The following GNAS-AS1 variants were observed in gnomAD, a reference collection of about 807,000 sequenced individuals.
The protein encoded by GNAS-AS1 is GNAS antisense RNA 1, also known as GNAS antisense RNA 1 (non-protein coding).
intron 4 of GNAS-AS1, among the ~76,000 whole-genome samples, chr20:58,830,458 CCACCACCA>C (rs2085554652): frequency 1.6e-5 from 1 of 62,860 alleles, no homozygotes; most frequent in Non-Finnish European, 3.1e-5. Context: ...ACCACCATCA[CCACCACCA>C]CACCACCATC....
intron 4 of GNAS-AS1, chr20:58,839,757 T>C (rs1403876593): frequency 3.6e-6 from 2 of 560,384 alleles, no homozygotes; most frequent in East Asian, 5.9e-5. Flanking sequence ...CAGTCTCCTC[T>C]GTCCTCTCCC....
chr20:58,838,916 CAAAAAAAA>C (rs766172876), intron 4 of GNAS-AS1: 10 of 253,150 alleles, frequency 4.0e-5, no homozygotes, highest in Admixed American at 2.8e-4. Flanking sequence ...GATTCTGTCT[CAAAAAAAA>C]AAAAAAAAAA....
intron 4 of GNAS-AS1, among the ~76,000 whole-genome samples, chr20:58,830,692 A>T (rs1293822140): frequency 7.1e-6 from 1 of 141,700 alleles, no homozygotes; most frequent in African/African-American, 2.6e-5. Flanking sequence ...TACCATCACA[A>T]CCACCACTAC....
intron 4 of GNAS-AS1, among the ~76,000 whole-genome samples, chr20:58,821,568 G>A (rs972788598): frequency 1.3e-5 from 2 of 152,198 alleles, no homozygotes; most frequent in African/African-American, 4.8e-5. Flanking sequence ...CCATAAATCA[G>A]TAAGAGGAAG....
intron 4 of GNAS-AS1, chr20:58,825,974 G>A: frequency 5.0e-6 from 2 of 398,210 alleles, no homozygotes; most frequent in Non-Finnish European, 8.9e-6. Context: ...CCCAAGAAAG[G>A]TCTCTGAGAG....
chr20:58,819,265 A>G (rs1457050549), intron 4 of GNAS-AS1: 1 of 398,560 alleles, frequency 2.5e-6, no homozygotes, highest in Non-Finnish European at 4.4e-6. Context: ...CCTTGGGAGC[A>G]GACAGGTTTG....
intron 2 of GNAS-AS1, among the ~76,000 whole-genome samples, chr20:58,842,766 A>G (rs995676988): frequency 6.6e-6 from 1 of 152,202 alleles, no homozygotes; most frequent in Non-Finnish European, 1.5e-5. Context: ...GAGTTCACCA[A>G]GCAAAATGTC....
intron 4 of GNAS-AS1, chr20:58,839,058 CCATGCTCT>C (rs758413417): frequency 2.5e-5 from 10 of 398,494 alleles, no homozygotes; most frequent in Non-Finnish European, 3.5e-5. Context: ...TTCCCTTTAC[CCATGCTCT>C]CAGCTCCAGT....
chr20:58,829,064 C>G (rs1017747947), intron 4 of GNAS-AS1, among the ~76,000 whole-genome samples: 9 of 152,240 alleles, frequency 5.9e-5, no homozygotes, highest in Admixed American at 5.2e-4. Flanking sequence ...CTCTTGGCCC[C>G]ACCACCCCAC....
exon 1 of GNAS-AS1, chr20:58,850,560 G>C (rs1399122402): frequency 5.0e-6 from 2 of 398,670 alleles, no homozygotes; most frequent in Admixed American, 8.8e-5. Context: ...GCATCCCTGG[G>C]GCCTCAACTC....
intron 4 of GNAS-AS1, chr20:58,839,539 C>T (rs2085646326): frequency 4.9e-6 from 2 of 405,154 alleles, no homozygotes; most frequent in Non-Finnish European, 8.7e-6. Flanking sequence ...CTCCTTGCCA[C>T]CCGCCAGGCC....
chr20:58,850,373 G>A (rs1418588945), intron 1 of GNAS-AS1, among the ~76,000 whole-genome samples: 4 of 152,194 alleles, frequency 2.6e-5, no homozygotes, highest in African/African-American at 9.7e-5. Flanking sequence ...TGAACAAAGG[G>A]GTCCCACAGA....
chr20:58,838,741 A>C, intron 4 of GNAS-AS1: 1 of 338,580 alleles, frequency 3.0e-6, no homozygotes, highest in Non-Finnish European at 5.3e-6. Context: ...AATATGGCGA[A>C]ACCCCTCTCT....
At chr20:58,848,351 A>G (rs967097150) in intron 2 of GNAS-AS1, among the ~76,000 whole-genome samples, 3 of 152,112 alleles carry the variant, frequency 2.0e-5, no homozygotes, top group African/African-American at 7.2e-5. Flanking sequence ...CACAGCGTCT[A>G]TCCATCCCAA....
At chr20:58,832,323 C>A (rs1407832514) in intron 4 of GNAS-AS1, among the ~76,000 whole-genome samples, 1 of 152,078 alleles carries the variant, frequency 6.6e-6, no homozygotes, top group Non-Finnish European at 1.5e-5. Flanking sequence ...GTGACCTGAA[C>A]AGATTGAGAG....
At chr20:58,850,893 G>C (rs908563159) in exon 1 of GNAS-AS1, 4 of 398,634 alleles carry the variant, frequency 1.0e-5, no homozygotes, top group African/African-American at 2.1e-5. Flanking sequence ...GTTCCAACGC[G>C]GCGCCCCCTA....
intron 4 of GNAS-AS1, among the ~76,000 whole-genome samples, chr20:58,831,458 C>T (rs1262985730): frequency 3.3e-5 from 5 of 152,168 alleles, no homozygotes; most frequent in African/African-American, 7.2e-5. Context: ...GGGCAGATCA[C>T]GAGATCAGGA....
chr20:58,828,927 C>T (rs1247376845), intron 4 of GNAS-AS1, among the ~76,000 whole-genome samples: 60 of 122,516 alleles, frequency 4.9e-4, no homozygotes, highest in African/African-American at 2.0e-3. Context: ...CTGGCCCCAC[C>T]GCCCCACTCA....
At chr20:58,825,063 A>G (rs1393347641) in intron 4 of GNAS-AS1, among the ~76,000 whole-genome samples, 1 of 152,210 alleles carries the variant, frequency 6.6e-6, no homozygotes, top group Non-Finnish European at 1.5e-5. Flanking sequence ...AAACATAAAC[A>G]CGTGAAGTGG....
Sources: gnomAD v4.1 joint callset for allele counts (sites outside exome capture counted in the v4.1 genomes callset) on GRCh38, gnomAD v4.1.1 for gene constraint, MANE v1.5 for transcripts, NCBI Gene and HGNC (gene_info 2026-07-23, HGNC 2026-07-21) for gene names.